Variants in IMMP2L observed in about 807,000 individuals in gnomAD.
The protein encoded by IMMP2L is mitochondrial inner membrane protease subunit 2.
Under a neutral mutation model 19.3 loss-of-function variants are expected in IMMP2L, and 18 were observed. That is an observed-to-expected ratio of 0.93 (90% confidence interval 0.64 to 1.38). The LOEUF is 1.38. Ranked by LOEUF, IMMP2L falls within the 40% of genes most tolerant of loss-of-function variation. The pLI is 0.00. For missense variants in IMMP2L, 233 were observed against 218.2 expected (o/e 1.07, Z -0.43); for synonymous variants, 76 against 73.0 (o/e 1.04, Z -0.21).
intron 5 of IMMP2L, among the ~76,000 whole-genome samples, chr7:110,680,786 A>C (rs1792663770): frequency 6.6e-6 from 1 of 152,188 alleles, no homozygotes; most frequent in African/African-American, 2.4e-5. Context: ...ACCTGGGCCC[A>C]GCCAATCAGA....
chr7:111,296,017 GAAAC>G (rs1821600570), intron 3 of IMMP2L, among the ~76,000 whole-genome samples: 1 of 136,212 alleles, frequency 7.3e-6, no homozygotes, highest in Admixed American at 7.2e-5. Flanking sequence ...AAAAATGAAA[GAAAC>G]AAATTGCTAC....
At chr7:111,249,107 C>A (rs972596805) in intron 3 of IMMP2L, among the ~76,000 whole-genome samples, 6 of 65,450 alleles carry the variant, frequency 9.2e-5, no homozygotes, top group Admixed American at 5.3e-4. Context: ...ATGGCGGGTG[C>A]CCCTCCCCCA....
At chr7:110,938,983 C>T (rs1037332645) in intron 4 of IMMP2L, among the ~76,000 whole-genome samples, 1 of 152,072 alleles carries the variant, frequency 6.6e-6, no homozygotes, top group Non-Finnish European at 1.5e-5. Flanking sequence ...CACATATGAA[C>T]ATACAAATGA....
chr7:111,124,272 C>T lies in IMMP2L; in HGVS notation c.240-160707G>A, dbSNP rs186443103. On this transcript the variant is annotated intron_variant, in intron 3 of 5. Transcript: ENST00000405709. The stretch of plus-strand genomic sequence containing the variant: ...GTTTATATACTTGTATAGCAACTAA[C>T]CTAGTTGGCGCTGACTTGAAGTCTG... 40 of 1,613,894 alleles carry T rather than the reference C, an allele frequency of 2.5e-5. No individual in the cohort carries two copies. The East Asian group carries it at 8.7e-4, about 35-fold the overall frequency.
intron 5 of IMMP2L, among the ~76,000 whole-genome samples, chr7:110,678,492 T>A (rs183259846): frequency 2.0e-5 from 3 of 152,120 alleles, no homozygotes; most frequent in Admixed American, 2.0e-4. Flanking sequence ...ATCAGAGACA[T>A]AGGCTCAATC....
At chr7:111,173,727 A>G (rs1806713751) in intron 3 of IMMP2L, among the ~76,000 whole-genome samples, 1 of 151,650 alleles carries the variant, frequency 6.6e-6, no homozygotes, top group African/African-American at 2.4e-5. Context: ...TGTTTCTTAT[A>G]TTATCAGAAA....
At chr7:110,875,785 T>C (rs1352371841) in intron 5 of IMMP2L, among the ~76,000 whole-genome samples, 1 of 152,140 alleles carries the variant, frequency 6.6e-6, no homozygotes, top group African/African-American at 2.4e-5. Flanking sequence ...CAGCCTAATG[T>C]AGTTGTCAGT....
At position 111,359,126 on chromosome 7, in the gene IMMP2L, G is replaced by A. The variant is rs184444347; in HGVS notation, c.239+128112C>T. ...TTACTTTGGAAGGCAAGGTTAACAC[G>A]GTGAGACAGAGGCTGGCTGCTGTTG... On this transcript the variant is annotated intron_variant, in intron 3 of 5. Coordinates refer to ENST00000405709, the MANE Select transcript of IMMP2L (RefSeq NM_032549.4). Among the ~76,000 whole-genome samples the A allele has an allele frequency of 2.0e-4, 31 of 152,206 alleles. 1 individual carries two copies. The East Asian group carries it at 4.1e-3, about 20-fold the overall frequency.
At chr7:111,352,646 C>T (rs114101774) in intron 3 of IMMP2L, among the ~76,000 whole-genome samples, 3,020 of 152,172 alleles carry the variant, frequency 0.02, 107 homozygotes, top group African/African-American at 0.069. Flanking sequence ...ATATGCTCAT[C>T]TTAAGAATTC....
At chr7:111,230,533 T>C (rs1813599872) in intron 3 of IMMP2L, among the ~76,000 whole-genome samples, 3 of 152,116 alleles carry the variant, frequency 2.0e-5, no homozygotes, top group Admixed American at 2.0e-4. Flanking sequence ...TCCCATAGTT[T>C]ATCCTGAAAG....
chr7:111,341,040 T>C (rs1231813517), intron 3 of IMMP2L, among the ~76,000 whole-genome samples: 1 of 152,092 alleles, frequency 6.6e-6, no homozygotes, highest in East Asian at 1.9e-4. Context: ...ACATTTCTGT[T>C]TGTATGATAT....
At chr7:110,667,584 T>C (rs1027459225) in intron 5 of IMMP2L, among the ~76,000 whole-genome samples, 2 of 152,146 alleles carry the variant, frequency 1.3e-5, no homozygotes, top group African/African-American at 4.8e-5. Flanking sequence ...GATTTGAAAA[T>C]GCAGTGCTGC....
intron 3 of IMMP2L, among the ~76,000 whole-genome samples, chr7:111,063,559 A>G (rs1794220764): frequency 6.6e-6 from 1 of 152,202 alleles, no homozygotes; most frequent in Non-Finnish European, 1.5e-5. Context: ...TTTCTACTGC[A>G]CTGTCAGGCT....
Position 110,663,469 on chromosome 7 carries a change from GT to G in IMMP2L, c.*132del. On this transcript the variant is annotated 3_prime_UTR_variant, in exon 6 of 6. Transcript: ENST00000405709. Reference sequence around the variant, plus strand: ...AATTATTTATTTAATAATACAGATCGTTTTAATGTGCTGTAAATATTTCTCG... The same window carrying G: ...AATTATTTATTTAATAATACAGATCGTTTAATGTGCTGTAAATATTTCTCG... 1 of 709,726 alleles carries G rather than the reference GT, an allele frequency of 1.4e-6. No individual in the cohort carries two copies. Among genetic ancestry groups the G allele is most frequent in the Non-Finnish European group, 2.4e-6 (1 of 419,526 alleles). The allele number at this position is 709,726 out of a possible 1,614,324, so 44.0% of individuals were successfully genotyped here.
At chr7:111,528,573 C>T (rs945678627) in intron 1 of IMMP2L, among the ~76,000 whole-genome samples, 12 of 152,160 alleles carry the variant, frequency 7.9e-5, no homozygotes, top group South Asian at 2.1e-4. Flanking sequence ...CACATAACAA[C>T]CCACACTGTA....
intron 5 of IMMP2L, among the ~76,000 whole-genome samples, chr7:110,706,976 AG>A (rs1435082321): frequency 7.0e-6 from 1 of 142,700 alleles, no homozygotes; most frequent in African/African-American, 2.6e-5. Context: ...TTACAGTTTG[AG>A]GTGTTACACT....
chr7:111,252,393 G>A (rs902904266), intron 3 of IMMP2L, among the ~76,000 whole-genome samples: 1 of 152,148 alleles, frequency 6.6e-6, no homozygotes, highest in Non-Finnish European at 1.5e-5. Context: ...AGTATAAAAC[G>A]AGACCTGGAA....
At chr7:111,164,861 GT>G (rs1029942910) in intron 3 of IMMP2L, among the ~76,000 whole-genome samples, 44 of 152,126 alleles carry the variant, frequency 2.9e-4, no homozygotes, top group African/African-American at 1.0e-3. Context: ...TGTTTTGGGT[GT>G]GGTTTTTGTA....
intron 1 of IMMP2L, among the ~76,000 whole-genome samples, chr7:111,546,840 G>A (rs1848973710): frequency 1.3e-5 from 2 of 152,028 alleles, no homozygotes; most frequent in South Asian, 4.2e-4. Flanking sequence ...ATTTATAGAG[G>A]CCACTAAACA....
Sources: gnomAD v4.1 joint callset for allele counts (sites outside exome capture counted in the v4.1 genomes callset) on GRCh38, gnomAD v4.1.1 for gene constraint, MANE v1.5 for transcripts, NCBI Gene and HGNC (gene_info 2026-07-23, HGNC 2026-07-21) for gene names.